CUL2: variants seen among roughly 807,000 people sequenced by gnomAD.
The protein encoded by CUL2 is cullin 2.
Under a neutral mutation model 110.2 loss-of-function variants are expected in CUL2, and 22 were observed. That is an observed-to-expected ratio of 0.20 (90% CI 0.14 to 0.28). CUL2 has a LOEUF of 0.28. Ranked by LOEUF, CUL2 falls within the 10% of genes least tolerant of loss-of-function variation. The pLI, the probability that CUL2 is intolerant of heterozygous loss-of-function variation, is 1.00. For synonymous variants in CUL2, 279 were observed against 293.2 expected, an observed-to-expected ratio of 0.95 and a Z score of 0.49; for missense variants, 631 against 905.5, an observed-to-expected ratio of 0.70 and a Z score of 3.89.
chr10:35,088,206 G>C (rs983928770), intron 1 of CUL2, among the ~76,000 whole-genome samples: 2 of 152,122 alleles, frequency 1.3e-5, no homozygotes, highest in African/African-American at 4.8e-5. Context: ...GACACTCCAA[G>C]AGGATAGAAA....
chr10:35,123,342 T>C (rs918916898), intron 1 of CUL2, among the ~76,000 whole-genome samples: 9 of 152,246 alleles, frequency 5.9e-5, no homozygotes, highest in African/African-American at 1.2e-4. Flanking sequence ...CTTTCACTTC[T>C]GTTCCTTAAG....
At chr10:35,077,990 G>A (rs1365540593) in intron 1 of CUL2, among the ~76,000 whole-genome samples, 1 of 151,922 alleles carries the variant, frequency 6.6e-6, no homozygotes, top group East Asian at 1.9e-4. Context: ...TTTTTTGTAT[G>A]TGTTTACAAT....
At chr10:35,067,895 C>G (rs1268623685) in intron 2 of CUL2, among the ~76,000 whole-genome samples, 2 of 151,958 alleles carry the variant, frequency 1.3e-5, no homozygotes, top group African/African-American at 4.8e-5. Flanking sequence ...ATCACGAGGT[C>G]AGGAGATCGA....
In CUL2 at chr10:35,088,813, G is replaced by A. The variant is rs942678104; in HGVS notation, c.-23+1366C>T. 1.8e-4 allele frequency among the ~76,000 whole-genome samples: 28 copies of A among 152,094 alleles called. 1 individual carries two copies. Among genetic ancestry groups the A allele is most frequent in the African/African-American group, 7.2e-5 (3 of 41,424 alleles). ...GCAATTGAAAAGGAATTTTTCCCAC[G>A]CTATGTGCATGCACATTGTAGAAAT... On this transcript the variant is annotated intron_variant, in intron 1 of 20. Coordinates refer to ENST00000374749, the MANE Select transcript of CUL2 (RefSeq NM_003591.4).
intron 1 of CUL2, among the ~76,000 whole-genome samples, chr10:35,084,788 GAT>G (rs1299772471): frequency 6.6e-6 from 1 of 152,074 alleles, no homozygotes; most frequent in Non-Finnish European, 1.5e-5. Flanking sequence ...ATAATATTAA[GAT>G]TCTAGGGCTG....
At chr10:35,122,166 TA>T (rs1404143529) in intron 1 of CUL2, among the ~76,000 whole-genome samples, 1 of 152,248 alleles carries the variant, frequency 6.6e-6, no homozygotes, top group Admixed American at 6.5e-5. Flanking sequence ...ACTATCTTTG[TA>T]AGTCTCAAAT....
At chr10:35,074,932 G>T (rs2086775962) in intron 1 of CUL2, among the ~76,000 whole-genome samples, 1 of 152,134 alleles carries the variant, frequency 6.6e-6, no homozygotes, top group African/African-American at 2.4e-5. Flanking sequence ...CTGAGAGTGG[G>T]GACAATTCTG....
intron 16 of CUL2, among the ~76,000 whole-genome samples, chr10:35,028,089 C>G (rs1029717403): frequency 1.3e-5 from 2 of 152,140 alleles, no homozygotes; most frequent in African/African-American, 4.8e-5. Flanking sequence ...GCCTGAAATC[C>G]CAGCACTTTG....
At chr10:35,085,603 G>A (rs1404941186) in intron 1 of CUL2, among the ~76,000 whole-genome samples, 1 of 151,052 alleles carries the variant, frequency 6.6e-6, no homozygotes, top group Non-Finnish European at 1.5e-5. Flanking sequence ...AATTAGCCGG[G>A]CATGGTGGCA....
intron 5 of CUL2, among the ~76,000 whole-genome samples, chr10:35,052,175 C>A (rs2086128299): frequency 6.6e-6 from 1 of 152,152 alleles, no homozygotes. Flanking sequence ...CTATTGTTTC[C>A]CTAGGGTAAT....
At chr10:35,082,123 T>A (rs1276730722) in intron 1 of CUL2, among the ~76,000 whole-genome samples, 10 of 149,966 alleles carry the variant, frequency 6.7e-5, no homozygotes, top group African/African-American at 2.2e-4. Flanking sequence ...CAGCAAGACA[T>A]CATCTTGACT....
intron 1 of CUL2, among the ~76,000 whole-genome samples, chr10:35,115,187 G>A (rs932106707): frequency 1.3e-5 from 2 of 151,738 alleles, no homozygotes; most frequent in Non-Finnish European, 2.9e-5. Context: ...GCAGTGAGCC[G>A]AGGTCATGCT....
At chr10:35,118,304 A>G (rs1375014139) in intron 1 of CUL2, 3 of 152,208 alleles carry the variant, frequency 2.0e-5, no homozygotes, top group South Asian at 2.1e-4. Flanking sequence ...ATTCTTTCAC[A>G]TGTTCTTTTT....
chr10:35,123,067 G>T (rs1041720527), intron 1 of CUL2, among the ~76,000 whole-genome samples: 1 of 152,138 alleles, frequency 6.6e-6, no homozygotes, highest in Admixed American at 6.6e-5. Context: ...GAGCCTGGGA[G>T]GTCAAGACTG....
intron 2 of CUL2, among the ~76,000 whole-genome samples, chr10:35,095,713 T>C (rs2087287564): frequency 6.6e-6 from 1 of 151,994 alleles, no homozygotes; most frequent in African/African-American, 2.4e-5. Flanking sequence ...CACATGCCAA[T>C]ACACCCAGCG....
At chr10:35,095,840 C>T (rs1021732790) in intron 2 of CUL2, among the ~76,000 whole-genome samples, 7 of 152,050 alleles carry the variant, frequency 4.6e-5, no homozygotes, top group Non-Finnish European at 1.0e-4. Flanking sequence ...AGATTACAGG[C>T]GTGAGCCACC....
intron 1 of CUL2, among the ~76,000 whole-genome samples, chr10:35,104,024 C>T (rs1246371385): frequency 6.6e-6 from 1 of 152,112 alleles, no homozygotes; most frequent in Non-Finnish European, 1.5e-5. Context: ...TTTGTGATAA[C>T]TCATTTCTGT....
intron 1 of CUL2, among the ~76,000 whole-genome samples, chr10:35,114,978 G>A (rs984651804): frequency 1.3e-5 from 2 of 151,842 alleles, no homozygotes; most frequent in Admixed American, 6.6e-5. Context: ...TTGGGAGGCC[G>A]AGGTGGGCAG....
At chr10:35,102,061 G>A (rs1173115905) in intron 1 of CUL2, among the ~76,000 whole-genome samples, 1 of 152,060 alleles carries the variant, frequency 6.6e-6, no homozygotes, top group Admixed American at 6.6e-5. Flanking sequence ...CCAATAAGGT[G>A]AAACCCCATC....
Sources: allele counts gnomAD v4.1 joint callset (sites outside exome capture counted in the v4.1 genomes callset), GRCh38; gene constraint gnomAD v4.1.1; transcripts MANE v1.5; gene names NCBI Gene and HGNC (gene_info 2026-07-23, HGNC 2026-07-21).